CDH8: variants seen among roughly 807,000 people sequenced by gnomAD.
CDH8 encodes the protein cadherin-8.
A neutral mutation model predicts 68.1 loss-of-function variants in CDH8; 17 were observed. The ratio of observed to expected loss-of-function variants is 0.25; its 90% CI spans 0.17 to 0.37. The LOEUF (loss-of-function observed/expected upper bound fraction) is 0.37. Ranked by LOEUF, CDH8 falls within the 10% of genes least tolerant of loss-of-function variation. CDH8 has a pLI of 1.00. For synonymous variants in CDH8, 372 were observed against 365.1 expected (o/e 1.02, Z -0.21); for missense variants, 763 against 999.3 (o/e 0.76, Z 3.19).
At chr16:62,031,660 A>C (rs73568795) in intron 1 of CDH8, among the ~76,000 whole-genome samples, 1,325 of 125,980 alleles carry the variant, frequency 0.011, 18 homozygotes, top group African/African-American at 0.043. Context: ...AAGAGAACTT[A>C]AACACACACA....
chr16:61,811,557 C>T (rs112055577), intron 7 of CDH8, among the ~76,000 whole-genome samples: 1,701 of 151,986 alleles, frequency 0.011, 39 homozygotes, highest in African/African-American at 0.038. Context: ...AGTATTTATC[C>T]CAAAGAATTG....
intron 9 of CDH8, among the ~76,000 whole-genome samples, chr16:61,720,018 CA>C (rs1469563141): frequency 1.3e-4 from 19 of 151,012 alleles, no homozygotes; most frequent in Admixed American, 1.3e-4. Flanking sequence ...CACACACACA[CA>C]CACACCAAAC....
intron 8 of CDH8, among the ~76,000 whole-genome samples, chr16:61,729,438 T>A (rs1473202665): frequency 6.6e-6 from 1 of 151,176 alleles, no homozygotes; most frequent in Non-Finnish European, 1.5e-5. Flanking sequence ...GTCTAAGGGG[T>A]TGTACCATCA....
intron 3 of CDH8, among the ~76,000 whole-genome samples, chr16:61,899,831 G>GACACACACACACACACACACAC (rs35171683): frequency 2.7e-5 from 4 of 147,228 alleles, no homozygotes; most frequent in Admixed American, 6.8e-5. Context: ...ATGTTATAAA[G>GACACACACACACACACACACAC]ACACACACAC....
chr16:61,648,532 CTGTT>C lies in CDH8; in HGVS notation c.*5072_*5075del, dbSNP rs1963252669. On this transcript the variant is annotated 3_prime_UTR_variant, in exon 12 of 12. Transcript: ENST00000577390. ...AAAAGTCTCATAATTACAGAGATAA[CTGTT>C]TAGTTGAAAGTTAAGGGGATTTAGT... is the stretch of plus-strand genomic sequence containing the variant. 6.6e-6 allele frequency: 1 copy of C among 151,774 alleles called. No individual in the cohort carries two copies. The highest frequency in any genetic ancestry group is 2.4e-5 in the African/African-American group (1 of 41,368). The allele number at this position is 151,774 out of a possible 1,614,324, so 9.4% of individuals were successfully genotyped here. A position where few individuals can be genotyped will look rare whatever the true frequency, so the allele number is the denominator to read the frequency against.
At chr16:61,984,206 C>G (rs928514199) in intron 2 of CDH8, among the ~76,000 whole-genome samples, 2 of 152,110 alleles carry the variant, frequency 1.3e-5, no homozygotes, top group East Asian at 1.9e-4. Flanking sequence ...GCGTTAGCCA[C>G]CATGCCCAAC....
At chr16:61,827,276 G>A (rs1962359804) in intron 4 of CDH8, among the ~76,000 whole-genome samples, 1 of 151,778 alleles carries the variant, frequency 6.6e-6, no homozygotes, top group South Asian at 2.1e-4. Flanking sequence ...ACATTCTAAG[G>A]TCATCACCAA....
chr16:61,777,333 C>T (rs1026403690), intron 8 of CDH8, among the ~76,000 whole-genome samples: 4 of 152,128 alleles, frequency 2.6e-5, no homozygotes, highest in African/African-American at 7.2e-5. Flanking sequence ...CAGCAACTCG[C>T]ACCTGAAAAG....
chr16:61,834,760 T>C (rs1962531178), intron 4 of CDH8, among the ~76,000 whole-genome samples: 1 of 151,890 alleles, frequency 6.6e-6, no homozygotes, highest in African/African-American at 2.4e-5. Context: ...GGCAAATATA[T>C]GGTTATGACA....
intron 8 of CDH8, among the ~76,000 whole-genome samples, chr16:61,742,926 A>T (rs1204697278): frequency 6.6e-6 from 1 of 152,152 alleles, no homozygotes; most frequent in East Asian, 1.9e-4. Flanking sequence ...TATGTATTCA[A>T]TTATTCAATA....
chr16:62,028,662 C>A (rs1188633315), intron 1 of CDH8, among the ~76,000 whole-genome samples: 1 of 151,754 alleles, frequency 6.6e-6, no homozygotes, highest in Non-Finnish European at 1.5e-5. Flanking sequence ...TTCTTGGAAT[C>A]ATCAGTTTAG....
chr16:61,730,084 A>G (rs979104572), intron 8 of CDH8, among the ~76,000 whole-genome samples: 7 of 151,412 alleles, frequency 4.6e-5, no homozygotes, highest in Admixed American at 2.6e-4. Context: ...AAAAATTGTC[A>G]AAGTCCATTC....
intron 10 of CDH8, among the ~76,000 whole-genome samples, chr16:61,688,796 A>C (rs565911566): frequency 1.3e-5 from 2 of 152,144 alleles, no homozygotes; most frequent in African/African-American, 2.4e-5. Context: ...CATATAGGTC[A>C]ACTACAACAT....
At chr16:61,964,338 C>A (rs1216233007) in intron 2 of CDH8, among the ~76,000 whole-genome samples, 1 of 152,092 alleles carries the variant, frequency 6.6e-6, no homozygotes, top group African/African-American at 2.4e-5. Context: ...AGGTGGGAAC[C>A]GCCCAGGACA....
In CDH8 at chr16:62,021,611, A is replaced by G. The variant is rs931200358; in HGVS notation, c.-199-9T>C. The G allele has an allele frequency of 1.0e-5, 14 of 1,335,090 alleles. No homozygotes were observed. Among genetic ancestry groups the G allele is most frequent in the Non-Finnish European group, 1.3e-5 (14 of 1,045,272 alleles). 82.7% of individuals were successfully genotyped at this position (1,335,090 alleles called of 1,614,324 possible). A position where few individuals can be genotyped will look rare whatever the true frequency, so the allele number is the denominator to read the frequency against. On this transcript the variant is annotated splice_polypyrimidine_tract_variant and intron_variant, in intron 1 of 11. Coordinates refer to ENST00000577390, the MANE Select transcript of CDH8 (RefSeq NM_001796.5). ...CTTTTCATTGAAATTTCCTGCAAAAACAAGGAGGAAGAAAGATAAGGGTCT... is the reference window on the plus strand; with the variant it reads ...CTTTTCATTGAAATTTCCTGCAAAAGCAAGGAGGAAGAAAGATAAGGGTCT...
At chr16:61,886,142 G>A (rs1002568973) in intron 3 of CDH8, among the ~76,000 whole-genome samples, 39 of 152,150 alleles carry the variant, frequency 2.6e-4, no homozygotes, top group African/African-American at 9.2e-4. Flanking sequence ...GTCGATGGCA[G>A]ACGAAGAAAA....
chr16:61,851,011 G>T (rs1404258113), intron 4 of CDH8, among the ~76,000 whole-genome samples: 1 of 152,022 alleles, frequency 6.6e-6, no homozygotes, highest in Admixed American at 6.6e-5. Context: ...TCATCTGCCT[G>T]AGTTTATCTC....
intron 10 of CDH8, among the ~76,000 whole-genome samples, chr16:61,688,536 C>T (rs902659836): frequency 6.6e-6 from 1 of 151,832 alleles, no homozygotes; most frequent in Admixed American, 6.6e-5. Flanking sequence ...AATGTACTTA[C>T]TGTCTACAAT....
At chr16:61,994,404 C>G (rs566876465) in intron 2 of CDH8, among the ~76,000 whole-genome samples, 2 of 152,250 alleles carry the variant, frequency 1.3e-5, no homozygotes, top group African/African-American at 4.8e-5. Context: ...CCTTGATTGT[C>G]TCCTCTAATT....
Sources: gnomAD v4.1 joint callset for allele counts (sites outside exome capture counted in the v4.1 genomes callset) on GRCh38, gnomAD v4.1.1 for gene constraint, MANE v1.5 for transcripts, NCBI Gene and HGNC (gene_info 2026-07-23, HGNC 2026-07-21) for gene names.